Variants in NHSL1 observed in about 807,000 individuals in gnomAD.
NHSL1 encodes NHS like 1, also known as NHS-like protein 1.
NHSL1 carries 48 observed loss-of-function variants against 95.0 expected under a neutral mutation model. The ratio of observed to expected loss-of-function variants is 0.51; its 90% CI spans 0.40 to 0.64. The LOEUF (loss-of-function observed/expected upper bound fraction) is 0.64. NHSL1 is among the 30% of genes least tolerant of loss of function. The pLI is 0.00. For synonymous variants in NHSL1, 783 were observed against 833.9 expected, an observed-to-expected ratio of 0.94 and a Z score of 1.05; for missense variants, 1,971 against 2,077.7, an observed-to-expected ratio of 0.95 and a Z score of 1.00.
chr6:138,610,954 T>C (rs1322671116), intron 1 of NHSL1, among the ~76,000 whole-genome samples: 13 of 152,234 alleles, frequency 8.5e-5, no homozygotes, highest in Non-Finnish European at 4.4e-5. Flanking sequence ...GGCGCATGCC[T>C]GTAATTCCAG....
chr6:138,674,274 T>C (rs1408192610), intron 1 of NHSL1, among the ~76,000 whole-genome samples: 3 of 92,544 alleles, frequency 3.2e-5, no homozygotes, highest in African/African-American at 5.5e-5. Context: ...GTTGATATAA[T>C]TTTTTTAATT....
chr6:138,662,870 T>C (rs551969345), intron 1 of NHSL1, among the ~76,000 whole-genome samples: 13 of 152,164 alleles, frequency 8.5e-5, no homozygotes, highest in African/African-American at 2.9e-4. Context: ...TCAACTTTCA[T>C]ACACTGCTGG....
intron 1 of NHSL1, among the ~76,000 whole-genome samples, chr6:138,507,762 CT>C (rs1225704432): frequency 6.6e-6 from 1 of 152,062 alleles, no homozygotes; most frequent in African/African-American, 2.4e-5. Context: ...GTACAATGAC[CT>C]TTTCTTTCTT....
At chr6:138,580,179 G>A (rs1784031532) in intron 1 of NHSL1, among the ~76,000 whole-genome samples, 2 of 152,086 alleles carry the variant, frequency 1.3e-5, no homozygotes, top group Non-Finnish European at 1.5e-5. Context: ...CTCCAGAAAC[G>A]GCAAAGAGCC....
upstream of NHSL1, among the ~76,000 whole-genome samples, chr6:138,546,427 C>CAAAAAAAA (rs1177720465): frequency 2.4e-4 from 12 of 50,948 alleles, 1 homozygote; most frequent in Admixed American, 6.6e-4. Context: ...CCCATCTCTA[C>CAAAAAAAA]AAAAAAAAAA....
chr6:138,682,636 GGAATGGAT>G (rs34584557), intron 1 of NHSL1, among the ~76,000 whole-genome samples: 2 of 151,020 alleles, frequency 1.3e-5, no homozygotes, highest in Non-Finnish European at 3.0e-5. Flanking sequence ...ATACAGTTCA[GGAATGGAT>G]GAATGGATGA....
chr6:138,441,122 G>A (rs1009439317), intron 5 of NHSL1, among the ~76,000 whole-genome samples: 2 of 152,144 alleles, frequency 1.3e-5, no homozygotes, highest in African/African-American at 2.4e-5. Context: ...CACCAAGCCC[G>A]TTTGTTAAAT....
At chr6:138,464,090 C>G (rs1344236150) in intron 3 of NHSL1, 1 of 457,708 alleles carries the variant, frequency 2.2e-6, no homozygotes, top group East Asian at 4.3e-5. Context: ...GGTGGCCGCG[C>G]ACGAGGTCAG....
upstream of NHSL1, among the ~76,000 whole-genome samples, chr6:138,547,918 T>G (rs1257424965): frequency 6.6e-6 from 1 of 152,198 alleles, no homozygotes; most frequent in Non-Finnish European, 1.5e-5. Context: ...CCTGAAAATA[T>G]TTTCATGGGT....
intron 2 of NHSL1, among the ~76,000 whole-genome samples, chr6:138,482,571 T>C (rs1779493108): frequency 6.6e-6 from 1 of 152,256 alleles, no homozygotes; most frequent in South Asian, 2.1e-4. Context: ...TCAGTGATTC[T>C]CCTGACCTGT....
chr6:138,641,371 A>G (rs1784957165), intron 1 of NHSL1, among the ~76,000 whole-genome samples: 1 of 152,234 alleles, frequency 6.6e-6, no homozygotes. Flanking sequence ...GGCAGAGAAG[A>G]TGAAGAACCA....
intron 1 of NHSL1, among the ~76,000 whole-genome samples, chr6:138,609,478 C>T (rs1784478647): frequency 6.6e-6 from 1 of 151,996 alleles, no homozygotes; most frequent in Non-Finnish European, 1.5e-5. Context: ...CGGCCGGGCG[C>T]GGTGGCTCAT....
chr6:138,539,732 T>A (rs1047991034), intron 1 of NHSL1, among the ~76,000 whole-genome samples: 2 of 152,152 alleles, frequency 1.3e-5, no homozygotes, highest in Admixed American at 6.5e-5. Context: ...TCCACAAAAT[T>A]ACCCAGAGCA....
chr6:138,648,589 G>C (rs1323076257), intron 1 of NHSL1, among the ~76,000 whole-genome samples: 1 of 152,140 alleles, frequency 6.6e-6, no homozygotes, highest in Non-Finnish European at 1.5e-5. Context: ...AGATATAATT[G>C]CTGGGACTTC....
At chr6:138,540,140 G>A (rs1562358539) in intron 1 of NHSL1, among the ~76,000 whole-genome samples, 1 of 152,170 alleles carries the variant, frequency 6.6e-6, no homozygotes, top group South Asian at 2.1e-4. Context: ...TTTGGTAGCT[G>A]TAGATTACCC....
chr6:138,686,933 G>A (rs370471793), intron 1 of NHSL1, among the ~76,000 whole-genome samples: 26 of 152,074 alleles, frequency 1.7e-4, no homozygotes, highest in Admixed American at 7.2e-4. Flanking sequence ...GAATCACCTC[G>A]CCTCCTTAAC....
intron 1 of NHSL1, among the ~76,000 whole-genome samples, chr6:138,613,890 A>G (rs1236348996): frequency 6.6e-6 from 1 of 152,126 alleles, no homozygotes; most frequent in Non-Finnish European, 1.5e-5. Flanking sequence ...GCAAATTTCC[A>G]TGATTCCTAA....
At chr6:138,524,399 C>A (rs1781815206) in intron 1 of NHSL1, among the ~76,000 whole-genome samples, 1 of 152,098 alleles carries the variant, frequency 6.6e-6, no homozygotes, top group South Asian at 2.1e-4. Flanking sequence ...AGCCACTAGC[C>A]CCATCCCCAC....
rs71009586 is a variant in NHSL1 at position 138,466,041 on chromosome 6, T to TGGGGG, written c.339+7260_339+7264dup. Among the ~76,000 whole-genome samples, 301 of 125,280 alleles carry TGGGGG rather than the reference T, an allele frequency of 2.4e-3. 2 individuals are homozygous for TGGGGG. The highest frequency in any genetic ancestry group is 4.7e-3 in the Middle Eastern group (1 of 214). The allele number at this position is 125,280 out of a possible 152,430, so 82.2% of individuals were successfully genotyped here. On this transcript the variant is annotated intron_variant, in intron 3 of 7. Transcript: ENST00000343505. ...GCCTGGCCCCACATACACTCCTTTT[T>TGGGGG]GGGGGGGGGGCAGGGGGGAACAGAG...
Sources: gnomAD v4.1 joint callset for allele counts (sites outside exome capture counted in the v4.1 genomes callset) on GRCh38, gnomAD v4.1.1 for gene constraint, MANE v1.5 for transcripts, NCBI Gene and HGNC (gene_info 2026-07-23, HGNC 2026-07-21) for gene names.